RALGPS1: variants seen among roughly 807,000 people sequenced by gnomAD.
RALGPS1 encodes the protein ras-specific guanine nucleotide-releasing factor RalGPS1.
A neutral mutation model predicts 78.8 loss-of-function variants in RALGPS1; 19 were observed. The observed-to-expected ratio is 0.24, with a 90% confidence interval of 0.17 to 0.35. RALGPS1 has a LOEUF of 0.35. Among genes scored for constraint, RALGPS1 ranks in the 10% least tolerant of loss-of-function variants. The pLI is 1.00. For synonymous variants in RALGPS1, 228 were observed against 256.3 expected, an observed-to-expected ratio of 0.89 and a Z score of 1.06; for missense variants, 454 against 688.3, an observed-to-expected ratio of 0.66 and a Z score of 3.81.
chr9:127,052,776 G>T, intron 6 of RALGPS1, 71 bp from the exon 7 acceptor site: 7 of 916,592 alleles, frequency 7.6e-6, no homozygotes, highest in South Asian at 1.5e-5. Flanking sequence ...ATGACATTTG[G>T]TAACACTTGA....
chr9:127,062,806 C>T (rs987841095), intron 7 of RALGPS1, among the ~76,000 whole-genome samples: 6 of 152,222 alleles, frequency 3.9e-5, no homozygotes, highest in African/African-American at 1.4e-4. Flanking sequence ...ATGCGATAGT[C>T]TCCATTGCAT....
intron 7 of RALGPS1, among the ~76,000 whole-genome samples, chr9:127,068,948 G>A (rs756974534): frequency 3.3e-5 from 5 of 152,184 alleles, no homozygotes; most frequent in Non-Finnish European, 2.9e-5. Flanking sequence ...GTAAACTGAC[G>A]TGGCACACTG....
At chr9:127,115,779 G>T (rs2055345999) in intron 8 of RALGPS1, among the ~76,000 whole-genome samples, 1 of 152,250 alleles carries the variant, frequency 6.6e-6, no homozygotes, top group African/African-American at 2.4e-5. Flanking sequence ...GGAAAGAGCT[G>T]CTTGATCACG....
In RALGPS1 at chr9:127,187,524, T is replaced by G. The variant is rs541582130; in HGVS notation, c.911-7567T>G. ...GTGGCACAGGTACAGAGCATAGCGC[T>G]GGGCGCATTACATTAGATTATAATT... is the stretch of plus-strand genomic sequence containing the variant. On this transcript the variant is annotated intron_variant, in intron 11 of 18. Coordinates refer to ENST00000259351, the MANE Select transcript of RALGPS1 (RefSeq NM_014636.3). Among the ~76,000 whole-genome samples, 3 of 152,368 alleles carry G rather than the reference T, an allele frequency of 2.0e-5. No homozygotes were observed. The East Asian group carries it at 5.8e-4, about 29-fold the overall frequency.
chr9:127,067,090 A>C (rs998563769), intron 7 of RALGPS1, among the ~76,000 whole-genome samples: 24 of 152,208 alleles, frequency 1.6e-4, no homozygotes, highest in African/African-American at 5.3e-4. Flanking sequence ...ATGAACTGGA[A>C]ATGGAGGTAA....
At chr9:127,145,938 T>C (rs1283286069) in intron 8 of RALGPS1, among the ~76,000 whole-genome samples, 1 of 152,260 alleles carries the variant, frequency 6.6e-6, no homozygotes, top group Non-Finnish European at 1.5e-5. Flanking sequence ...TAATTATTCA[T>C]GCAGTTATTT....
intron 8 of RALGPS1, among the ~76,000 whole-genome samples, chr9:127,120,197 C>T (rs922204464): frequency 1.3e-5 from 2 of 152,224 alleles, no homozygotes; most frequent in Non-Finnish European, 2.9e-5. Flanking sequence ...TCCCACAGCA[C>T]TAAGGTAGCT....
chr9:127,188,832 T>TTAAAAAAAAAAAAAAAA lies in RALGPS1; in HGVS notation c.911-6259_911-6258insTAAAAAAAAAAAAAAAA, dbSNP rs756481918. Among the ~76,000 whole-genome samples, 333 of 87,386 alleles carry TTAAAAAAAAAAAAAAAA rather than the reference T, an allele frequency of 3.8e-3. 61 individuals carry two copies. The highest frequency in any genetic ancestry group is 0.03 in the South Asian group (54 of 1,824). The allele number at this position is 87,386 out of a possible 152,430, so 57.3% of individuals were successfully genotyped here. A position where few individuals can be genotyped will look rare whatever the true frequency, so the allele number is the denominator to read the frequency against. ...AAAGACTAAGAAACCCCATCTCTAC[T>TTAAAAAAAAAAAAAAAA]AAAAAAAAAAAAAAAAATGTAGCCA... is the stretch of plus-strand genomic sequence containing the variant. On this transcript the variant is annotated intron_variant, in intron 11 of 18. Coordinates refer to ENST00000259351, the MANE Select transcript of RALGPS1 (RefSeq NM_014636.3).
chr9:126,989,565 G>T (rs2042102167), intron 4 of RALGPS1, among the ~76,000 whole-genome samples: 1 of 152,152 alleles, frequency 6.6e-6, no homozygotes, highest in East Asian at 1.9e-4. Flanking sequence ...CAGGTGCTCA[G>T]TGTTAGTGGA....
At chr9:127,141,451 T>G (rs571779677) in intron 8 of RALGPS1, among the ~76,000 whole-genome samples, 1 of 151,252 alleles carries the variant, frequency 6.6e-6, no homozygotes, top group South Asian at 2.1e-4. Flanking sequence ...CCCTTGGGGG[T>G]TTCCAGCTCA....
chr9:127,027,235 T>C (rs2134374050), intron 4 of RALGPS1, among the ~76,000 whole-genome samples: 1 of 152,296 alleles, frequency 6.6e-6, no homozygotes, highest in South Asian at 2.1e-4. Context: ...AGGTCTATCT[T>C]TTACTTCTGT....
intron 8 of RALGPS1, among the ~76,000 whole-genome samples, chr9:127,140,737 C>A (rs1272676675): frequency 6.6e-6 from 1 of 152,072 alleles, no homozygotes; most frequent in Non-Finnish European, 1.5e-5. Flanking sequence ...AAAGTTTTAA[C>A]CTCCCCCCAA....
chr9:126,973,741 A>T (rs1393193459), intron 3 of RALGPS1, among the ~76,000 whole-genome samples: 1 of 152,184 alleles, frequency 6.6e-6, no homozygotes, highest in Non-Finnish European at 1.5e-5. Flanking sequence ...TATCCATTAA[A>T]CAACTCCCCA....
intron 4 of RALGPS1, among the ~76,000 whole-genome samples, chr9:127,028,075 C>T (rs2046108387): frequency 6.6e-6 from 1 of 152,238 alleles, no homozygotes; most frequent in Admixed American, 6.5e-5. Flanking sequence ...AACTCTGGAT[C>T]CTATTATCCC....
At chr9:126,956,084 C>A (rs2038305168) in intron 1 of RALGPS1, among the ~76,000 whole-genome samples, 1 of 152,204 alleles carries the variant, frequency 6.6e-6, no homozygotes, top group Non-Finnish European at 1.5e-5. Flanking sequence ...CTGTCTACTC[C>A]CGAGGGTGTG....
In RALGPS1 at chr9:127,088,825, C is replaced by T. The variant is rs566437805; in HGVS notation, c.610+19469C>T. ...ACTTCGGAAAACAGAATCCAGCATC[C>T]CGGTCCTCCCAGCCTCAGGATGAAC... On this transcript the variant is annotated intron_variant, in intron 8 of 18. Transcript: ENST00000259351. The T allele has an allele frequency of 6.0e-4, 751 of 1,243,474 alleles. 8 individuals are homozygous for T. In the South Asian group the frequency reaches 8.4e-3, roughly 14 times the overall value. 77.0% of individuals were successfully genotyped at this position (1,243,474 alleles called of 1,614,324 possible).
At chr9:127,146,086 T>G (rs1406928767) in intron 8 of RALGPS1, among the ~76,000 whole-genome samples, 1 of 152,162 alleles carries the variant, frequency 6.6e-6, no homozygotes. Flanking sequence ...ATTTCAAACT[T>G]TTATTTTAGA....
intron 8 of RALGPS1, among the ~76,000 whole-genome samples, chr9:127,148,292 TG>T (rs1459651479): frequency 6.6e-6 from 1 of 152,020 alleles, no homozygotes; most frequent in Non-Finnish European, 1.5e-5. Flanking sequence ...CACACCCAGG[TG>T]GGGGCCAGTC....
chr9:127,116,839 A>G (rs1036837740), intron 8 of RALGPS1, among the ~76,000 whole-genome samples: 1 of 152,160 alleles, frequency 6.6e-6, no homozygotes, highest in Admixed American at 6.5e-5. Flanking sequence ...AGATGAGCAA[A>G]CAAAGGTAAG....
Sources: allele counts gnomAD v4.1 joint callset (sites outside exome capture counted in the v4.1 genomes callset), GRCh38; gene constraint gnomAD v4.1.1; transcripts MANE v1.5; gene names NCBI Gene and HGNC (gene_info 2026-07-23, HGNC 2026-07-21).